Variants in FRMD5 observed in about 807,000 individuals in gnomAD.
FRMD5 encodes the protein FERM domain-containing protein 5.
In FRMD5, 20 loss-of-function variants were observed where a neutral mutation model predicts 69.0. The ratio of observed to expected loss-of-function variants is 0.29; its 90% confidence interval spans 0.20 to 0.42. FRMD5 has a LOEUF of 0.42. Ranked by LOEUF, FRMD5 falls within the 10% of genes least tolerant of loss-of-function variation. The pLI is 1.00. For missense variants in FRMD5, 595 were observed against 708.6 expected (o/e 0.84, Z 1.82); for synonymous variants, 271 against 260.1 (o/e 1.04, Z -0.40).
chr15:43,887,452 G>C (rs1418083874), intron 10 of FRMD5, among the ~76,000 whole-genome samples: 1 of 152,234 alleles, frequency 6.6e-6, no homozygotes, highest in Non-Finnish European at 1.5e-5. Context: ...GTGTGACCAT[G>C]CCAAAGTCTC....
intron 1 of FRMD5, among the ~76,000 whole-genome samples, chr15:43,978,451 G>C (rs975410661): frequency 3.3e-5 from 5 of 152,152 alleles, no homozygotes; most frequent in African/African-American, 1.2e-4. Flanking sequence ...TTGAGTTGGG[G>C]TACCTGGGCA....
chr15:43,920,342 T>C (rs562836251), intron 2 of FRMD5, among the ~76,000 whole-genome samples: 1 of 152,320 alleles, frequency 6.6e-6, no homozygotes, highest in Admixed American at 6.5e-5. Flanking sequence ...TTTCTTTGAG[T>C]AACATAAATT....
intron 1 of FRMD5, among the ~76,000 whole-genome samples, chr15:43,971,396 CTTTTG>C (rs917318249): frequency 1.3e-5 from 2 of 151,690 alleles, no homozygotes; most frequent in African/African-American, 4.8e-5. Context: ...ACTATTTTTT[CTTTTG>C]TTCAAAAAAA....
intron 1 of FRMD5, among the ~76,000 whole-genome samples, chr15:44,065,543 G>C (rs73406788): frequency 6.6e-6 from 1 of 152,244 alleles, no homozygotes; most frequent in African/African-American, 2.4e-5. Flanking sequence ...GCATATGATG[G>C]AGGTTGAGTA....
chr15:44,077,745 A>G (rs1893829614), intron 1 of FRMD5, among the ~76,000 whole-genome samples: 1 of 152,090 alleles, frequency 6.6e-6, no homozygotes, highest in Non-Finnish European at 1.5e-5. Flanking sequence ...AATACTACCT[A>G]TTATTGAACA....
chr15:44,006,749 C>T (rs1337112910), intron 1 of FRMD5, among the ~76,000 whole-genome samples: 1 of 152,172 alleles, frequency 6.6e-6, no homozygotes, highest in African/African-American at 2.4e-5. Context: ...GAAGATGTGA[C>T]TGAATTGCCG....
At chr15:44,155,014 C>T (rs1475264349) in intron 1 of FRMD5, among the ~76,000 whole-genome samples, 1 of 152,140 alleles carries the variant, frequency 6.6e-6, no homozygotes, top group African/African-American at 2.4e-5. Flanking sequence ...AAAAGATACT[C>T]AATATCATTA....
At chr15:43,956,156 A>T (rs2090112420) in intron 1 of FRMD5, among the ~76,000 whole-genome samples, 1 of 152,224 alleles carries the variant, frequency 6.6e-6, no homozygotes, top group Non-Finnish European at 1.5e-5. Context: ...TGACACAATA[A>T]TCTTTAGGCA....
At chr15:44,034,984 T>C (rs946071540) in intron 1 of FRMD5, among the ~76,000 whole-genome samples, 1 of 152,222 alleles carries the variant, frequency 6.6e-6, no homozygotes, top group African/African-American at 2.4e-5. Flanking sequence ...GAATGTTCCT[T>C]GCTCCCCATT....
chr15:44,023,475 A>G (rs887695309), intron 1 of FRMD5, among the ~76,000 whole-genome samples: 1 of 152,204 alleles, frequency 6.6e-6, no homozygotes, highest in Non-Finnish European at 1.5e-5. Context: ...AAGCACCTTG[A>G]GCTTAATAAT....
At chr15:44,048,264 A>ATGAGG (rs1009878133) in intron 1 of FRMD5, among the ~76,000 whole-genome samples, 67 of 152,290 alleles carry the variant, frequency 4.4e-4, no homozygotes, top group African/African-American at 1.5e-3. Context: ...CCTAATGGGT[A>ATGAGG]TGAGGTGGTA....
At chr15:43,975,610 T>C (rs1449689429) in intron 1 of FRMD5, among the ~76,000 whole-genome samples, 4 of 152,186 alleles carry the variant, frequency 2.6e-5, no homozygotes, top group African/African-American at 4.8e-5. Flanking sequence ...AAGACGTTGC[T>C]GAGAGAAATG....
intron 1 of FRMD5, among the ~76,000 whole-genome samples, chr15:44,089,798 A>G (rs1157760951): frequency 3.3e-5 from 5 of 152,080 alleles, no homozygotes; most frequent in Non-Finnish European, 7.4e-5. Context: ...GGACATAAAA[A>G]ACAGAATTTC....
intron 1 of FRMD5, among the ~76,000 whole-genome samples, chr15:44,161,282 A>C (rs1425605033): frequency 6.6e-6 from 1 of 152,206 alleles, no homozygotes; most frequent in African/African-American, 2.4e-5. Flanking sequence ...GTCTTCTCTA[A>C]CCATGCTCAT....
intron 1 of FRMD5, among the ~76,000 whole-genome samples, chr15:44,171,790 G>A (rs1279834589): frequency 1.3e-5 from 2 of 152,154 alleles, no homozygotes; most frequent in African/African-American, 4.8e-5. Context: ...TTGAGACAGA[G>A]TCTCGCTCTG....
intron 4 of FRMD5, among the ~76,000 whole-genome samples, chr15:43,911,227 G>A (rs976739674): frequency 6.6e-6 from 1 of 152,212 alleles, no homozygotes; most frequent in Non-Finnish European, 1.5e-5. Flanking sequence ...CTAATTTCAT[G>A]AGGTAGAGCT....
intron 1 of FRMD5, among the ~76,000 whole-genome samples, chr15:43,962,318 G>C (rs1365240379): frequency 3.9e-5 from 6 of 152,130 alleles, no homozygotes; most frequent in African/African-American, 9.7e-5. Context: ...GCTTCAAAGA[G>C]AATAAAATAC....
intron 1 of FRMD5, among the ~76,000 whole-genome samples, chr15:44,163,946 T>G (rs182034744): frequency 5.3e-5 from 8 of 152,346 alleles, no homozygotes; most frequent in Non-Finnish European, 8.8e-5. Context: ...GACATCATCA[T>G]CCATCTTTTA....
intron 1 of FRMD5, among the ~76,000 whole-genome samples, chr15:44,071,509 T>G (rs1181395731): frequency 6.6e-6 from 1 of 152,158 alleles, no homozygotes; most frequent in Non-Finnish European, 1.5e-5. Flanking sequence ...AACTCTCTCC[T>G]CCCTACTTAA....
Sources: gnomAD v4.1 joint callset for allele counts (sites outside exome capture counted in the v4.1 genomes callset) on GRCh38, gnomAD v4.1.1 for gene constraint, MANE v1.5 for transcripts, NCBI Gene and HGNC (gene_info 2026-07-23, HGNC 2026-07-21) for gene names.